The following CNTNAP2 variants were observed in gnomAD, a reference collection of about 807,000 sequenced individuals.
CNTNAP2 encodes contactin-associated protein-like 2.
In CNTNAP2, 98 loss-of-function variants were observed where a neutral mutation model predicts 155.2. The ratio of observed to expected loss-of-function variants is 0.63; its 90% confidence interval spans 0.54 to 0.75. The LOEUF (loss-of-function observed/expected upper bound fraction) is 0.75, where lower values mean the gene tolerates loss of function less well. Ranked by LOEUF, CNTNAP2 falls within the 30% of genes least tolerant of loss-of-function variation. The probability of loss-of-function intolerance (pLI) is 0.00; values close to 1 mark genes in which losing one functional copy is unlikely to be tolerated. For synonymous variants in CNTNAP2, 651 were observed against 631.2 expected (o/e 1.03, Z -0.47); for missense variants, 1,727 against 1,688.1 (o/e 1.02, Z -0.40).
intron 9 of CNTNAP2, among the ~76,000 whole-genome samples, chr7:147,385,810 C>G (rs1384246623): frequency 6.6e-6 from 1 of 152,232 alleles, no homozygotes; most frequent in Non-Finnish European, 1.5e-5. Context: ...CACAGCTCCA[C>G]TAGGCAGTGC....
intron 3 of CNTNAP2, among the ~76,000 whole-genome samples, chr7:146,995,652 C>T (rs1444075990): frequency 6.6e-6 from 1 of 151,942 alleles, no homozygotes; most frequent in African/African-American, 2.4e-5. Flanking sequence ...TGTCTTTGCC[C>T]ATTTTAAATT....
Position 147,848,586 on chromosome 7 carries a change from C to T in CNTNAP2, c.2099-54979C>T, listed in dbSNP as rs557033594. Among the ~76,000 whole-genome samples the T allele has an allele frequency of 7.8e-4, 116 of 148,200 alleles. 1 individual carries two copies. The highest frequency in any genetic ancestry group is 2.2e-3 in the African/African-American group (90 of 40,332). On this transcript the variant is annotated intron_variant, in intron 13 of 23. Transcript: ENST00000361727. Reference sequence around the variant, plus strand: ...GTCACTCACGCTGGGAGCTGTAGACCGGAGCTGTTCCTATTCGGCCATCTT... The same window carrying T: ...GTCACTCACGCTGGGAGCTGTAGACTGGAGCTGTTCCTATTCGGCCATCTT...
chr7:147,149,153 G>A (rs1563094088), intron 8 of CNTNAP2, among the ~76,000 whole-genome samples: 1 of 152,138 alleles, frequency 6.6e-6, no homozygotes, highest in Non-Finnish European at 1.5e-5. Context: ...ATTTTATAGA[G>A]TGCTGATTGG....
At chr7:148,332,698 G>A (rs1459973296) in intron 21 of CNTNAP2, among the ~76,000 whole-genome samples, 1 of 152,190 alleles carries the variant, frequency 6.6e-6, no homozygotes, top group African/African-American at 2.4e-5. Flanking sequence ...TTCTCCAGGG[G>A]AAGAGAGAGA....
intron 1 of CNTNAP2, among the ~76,000 whole-genome samples, chr7:146,594,088 A>T (rs1437387375): frequency 6.6e-6 from 1 of 152,042 alleles, no homozygotes; most frequent in African/African-American, 2.4e-5. Flanking sequence ...CTTACTTCTA[A>T]TGTTTCTTCT....
chr7:148,360,503 C>A (rs1348773149), intron 21 of CNTNAP2, among the ~76,000 whole-genome samples: 3 of 152,196 alleles, frequency 2.0e-5, no homozygotes, highest in Non-Finnish European at 4.4e-5. Context: ...TCAGTAAACC[C>A]TTGTAACTGT....
chr7:146,982,626 T>C (rs1356115484), intron 3 of CNTNAP2, among the ~76,000 whole-genome samples: 5 of 152,214 alleles, frequency 3.3e-5, no homozygotes, highest in Non-Finnish European at 7.3e-5. Flanking sequence ...GTGTTCCTTT[T>C]AGATGTCACT....
intron 4 of CNTNAP2, among the ~76,000 whole-genome samples, chr7:147,045,966 A>T (rs1461491128): frequency 6.6e-6 from 1 of 152,130 alleles, no homozygotes; most frequent in African/African-American, 2.4e-5. Flanking sequence ...TTCATGTGTG[A>T]TAAATATATT....
intron 1 of CNTNAP2, among the ~76,000 whole-genome samples, chr7:146,239,123 A>T (rs1369274052): frequency 6.6e-6 from 1 of 152,312 alleles, no homozygotes; most frequent in African/African-American, 2.4e-5. Flanking sequence ...AACTCACAGA[A>T]TTGTGAGTAG....
chr7:147,754,287 C>A (rs1005336172), intron 13 of CNTNAP2, among the ~76,000 whole-genome samples: 4 of 152,132 alleles, frequency 2.6e-5, no homozygotes, highest in African/African-American at 9.7e-5. Context: ...GCTAAGGCAC[C>A]AATTCATCAT....
chr7:147,507,550 CTTTTTT>C (rs3052511), intron 11 of CNTNAP2, among the ~76,000 whole-genome samples: 946 of 82,044 alleles, frequency 0.012, 9 homozygotes, highest in African/African-American at 0.039. Flanking sequence ...CTCTTTCTTT[CTTTTTT>C]TTTTTTTTTT....
chr7:146,853,713 T>G (rs952089246), intron 3 of CNTNAP2, among the ~76,000 whole-genome samples: 13 of 152,006 alleles, frequency 8.6e-5, no homozygotes, highest in African/African-American at 2.9e-4. Flanking sequence ...GATATCATAG[T>G]TTTTGATTAT....
intron 3 of CNTNAP2, among the ~76,000 whole-genome samples, chr7:146,902,510 A>G (rs1026503283): frequency 1.3e-5 from 2 of 152,190 alleles, no homozygotes; most frequent in Non-Finnish European, 2.9e-5. Flanking sequence ...TTGTAATCTT[A>G]TATGTAGAAA....
chr7:147,110,315 G>A (rs886500798), intron 5 of CNTNAP2, among the ~76,000 whole-genome samples: 1 of 151,894 alleles, frequency 6.6e-6, no homozygotes, highest in Non-Finnish European at 1.5e-5. Flanking sequence ...CTGCAAGATT[G>A]GTACTGGCAT....
intron 14 of CNTNAP2, among the ~76,000 whole-genome samples, chr7:147,922,761 T>C (rs1563136272): frequency 6.6e-6 from 1 of 152,206 alleles, no homozygotes; most frequent in African/African-American, 2.4e-5. Flanking sequence ...CAAGTCTTTA[T>C]GCAGAAACAG....
chr7:146,496,538 G>A (rs1041559289), intron 1 of CNTNAP2, among the ~76,000 whole-genome samples: 4 of 152,190 alleles, frequency 2.6e-5, no homozygotes, highest in Non-Finnish European at 4.4e-5. Context: ...CTGCCAGTCA[G>A]AAGTGAAACA....
At chr7:146,703,496 T>G (rs1015672248) in intron 1 of CNTNAP2, among the ~76,000 whole-genome samples, 1 of 152,276 alleles carries the variant, frequency 6.6e-6, no homozygotes. Context: ...ACTTTATGTC[T>G]TAGTCTGTTT....
At chr7:146,492,278 T>A (rs1797152897) in intron 1 of CNTNAP2, among the ~76,000 whole-genome samples, 2 of 151,484 alleles carry the variant, frequency 1.3e-5, no homozygotes, top group African/African-American at 4.9e-5. Context: ...AGAGAAAGCA[T>A]GAGTAACTAA....
chr7:146,658,685 C>A (rs1169902859), intron 1 of CNTNAP2, among the ~76,000 whole-genome samples: 1 of 152,068 alleles, frequency 6.6e-6, no homozygotes, highest in Non-Finnish European at 1.5e-5. Flanking sequence ...AATGTTCATA[C>A]CTAATATTTA....
Sources: gnomAD v4.1 joint callset for allele counts (sites outside exome capture counted in the v4.1 genomes callset) on GRCh38, gnomAD v4.1.1 for gene constraint, MANE v1.5 for transcripts, NCBI Gene and HGNC (gene_info 2026-07-23, HGNC 2026-07-21) for gene names.